The following RBMS3 variants were observed in gnomAD, a reference collection of about 807,000 sequenced individuals.
RBMS3 encodes the protein RNA binding motif single stranded interacting protein 3, also known as RNA-binding motif, single-stranded-interacting protein 3.
A neutral mutation model predicts 66.8 loss-of-function variants in RBMS3; 27 were observed. The observed-to-expected ratio is 0.40, with a 90% confidence interval of 0.30 to 0.56. The LOEUF is 0.56. RBMS3 is among the 20% of genes least tolerant of loss of function. The pLI is 0.40. For missense variants in RBMS3, 513 were observed against 549.5 expected, an observed-to-expected ratio of 0.93 and a Z score of 0.66; for synonymous variants, 188 against 183.0, an observed-to-expected ratio of 1.03 and a Z score of -0.22.
At chr3:29,413,373 C>CATAT (rs1339585647) in intron 1 of RBMS3, among the ~76,000 whole-genome samples, 1 of 42,176 alleles carries the variant, frequency 2.4e-5, no homozygotes, top group Non-Finnish European at 5.1e-5. Flanking sequence ...CCATCTCATT[C>CATAT]ATACATACAT....
intron 4 of RBMS3, among the ~76,000 whole-genome samples, chr3:29,693,533 G>A (rs75520444): frequency 0.021 from 3,165 of 152,224 alleles, 113 homozygotes; most frequent in African/African-American, 0.07. Context: ...TATTGACTAT[G>A]ATCTTGGGTA....
At chr3:29,422,652 G>A (rs889530571) in intron 1 of RBMS3, among the ~76,000 whole-genome samples, 1 of 151,982 alleles carries the variant, frequency 6.6e-6, no homozygotes, top group Non-Finnish European at 1.5e-5. Flanking sequence ...ATTTTATCAT[G>A]AGGTATTTTT....
intron 3 of RBMS3, among the ~76,000 whole-genome samples, chr3:29,545,888 CTT>C (rs1317509777): frequency 8.5e-5 from 13 of 152,076 alleles, no homozygotes; most frequent in Non-Finnish European, 1.5e-5. Context: ...CATCTCTAGT[CTT>C]TTGATTTTAA....
chr3:29,909,032 A>C (rs2060453356), intron 10 of RBMS3, among the ~76,000 whole-genome samples: 1 of 152,140 alleles, frequency 6.6e-6, no homozygotes, highest in Non-Finnish European at 1.5e-5. Context: ...AAAAAAGAGA[A>C]CATTTTAAGT....
chr3:29,492,414 T>C (rs1273896353), intron 3 of RBMS3, among the ~76,000 whole-genome samples: 1 of 152,132 alleles, frequency 6.6e-6, no homozygotes, highest in African/African-American at 2.4e-5. Flanking sequence ...TATGAGGTCA[T>C]GGAAAGGTTC....
At chr3:29,751,899 G>A (rs528968643) in intron 5 of RBMS3, among the ~76,000 whole-genome samples, 3 of 152,304 alleles carry the variant, frequency 2.0e-5, no homozygotes, top group African/African-American at 7.2e-5. Context: ...ACAGGCCCAT[G>A]GCAGCGCCTA....
chr3:29,356,458 G>A (rs1340309562), intron 1 of RBMS3, among the ~76,000 whole-genome samples: 3 of 152,106 alleles, frequency 2.0e-5, no homozygotes, highest in African/African-American at 7.2e-5. Context: ...ATAAATAGTA[G>A]TATCTTTTAT....
chr3:29,736,172 A>G (rs1351774434), intron 4 of RBMS3, among the ~76,000 whole-genome samples: 1 of 152,230 alleles, frequency 6.6e-6, no homozygotes, highest in Non-Finnish European at 1.5e-5. Flanking sequence ...TTCAACCAAT[A>G]TATTCAAGAC....
At chr3:29,329,426 G>A (rs2035523144) in intron 1 of RBMS3, among the ~76,000 whole-genome samples, 1 of 152,026 alleles carries the variant, frequency 6.6e-6, no homozygotes, top group Non-Finnish European at 1.5e-5. Context: ...TCACAGGAGA[G>A]TCTATAGTTA....
intron 7 of RBMS3, among the ~76,000 whole-genome samples, chr3:29,869,637 A>G (rs2059442875): frequency 6.6e-6 from 1 of 152,148 alleles, no homozygotes; most frequent in Non-Finnish European, 1.5e-5. Context: ...CAGTTTATGG[A>G]TCCAGTGCCA....
chr3:29,444,878 T>C lies in RBMS3; in HGVS notation c.248+9963T>C, dbSNP rs77550967. Among the ~76,000 whole-genome samples the C allele has an allele frequency of 2.4e-3, 352 of 144,688 alleles. 1 individual carries two copies. The highest frequency in any genetic ancestry group is 8.4e-3 in the African/African-American group (333 of 39,812). 94.9% of individuals were successfully genotyped at this position (144,688 alleles called of 152,430 possible). A position where few individuals can be genotyped will look rare whatever the true frequency, so the allele number is the denominator to read the frequency against. ...TCCCTTGATCTTCTGGTTTCCTCTATCATCTCCATCTATCTCTGTCTCTGT... is the reference window on the plus strand; with the variant it reads ...TCCCTTGATCTTCTGGTTTCCTCTACCATCTCCATCTATCTCTGTCTCTGT... On this transcript the variant is annotated intron_variant, in intron 2 of 14. Coordinates refer to ENST00000383767, the MANE Select transcript of RBMS3 (RefSeq NM_001003793.3).
intron 1 of RBMS3, among the ~76,000 whole-genome samples, chr3:29,361,252 A>G (rs2037565887): frequency 6.6e-6 from 1 of 151,980 alleles, no homozygotes; most frequent in Non-Finnish European, 1.5e-5. Flanking sequence ...GGTGGTGACA[A>G]AATCTCTCAG....
At chr3:29,368,693 G>A (rs2038035475) in intron 1 of RBMS3, among the ~76,000 whole-genome samples, 1 of 151,952 alleles carries the variant, frequency 6.6e-6, no homozygotes, top group South Asian at 2.1e-4. Flanking sequence ...AATATTTATA[G>A]AGAAAAAGGA....
At chr3:29,527,624 A>C (rs258948) in intron 3 of RBMS3, among the ~76,000 whole-genome samples, 56,798 of 152,086 alleles carry the variant, frequency 0.37, 11,020 homozygotes, top group Middle Eastern at 0.51. Context: ...ATATTTGGCA[A>C]AATGTCACTC....
At chr3:29,295,322 T>A (rs2033169747) in intron 1 of RBMS3, among the ~76,000 whole-genome samples, 1 of 141,672 alleles carries the variant, frequency 7.1e-6, no homozygotes, top group Non-Finnish European at 1.5e-5. Flanking sequence ...TATACATATA[T>A]ATATACACAC....
At chr3:29,518,737 G>T (rs902350823) in intron 3 of RBMS3, among the ~76,000 whole-genome samples, 1 of 152,092 alleles carries the variant, frequency 6.6e-6, no homozygotes, top group Non-Finnish European at 1.5e-5. Context: ...TGAAGGCAGA[G>T]GTCTACTTAT....
At chr3:29,704,169 C>T (rs2052764621) in intron 4 of RBMS3, among the ~76,000 whole-genome samples, 1 of 152,144 alleles carries the variant, frequency 6.6e-6, no homozygotes, top group Non-Finnish European at 1.5e-5. Context: ...AAATAAACTG[C>T]ACAATAAACG....
At chr3:29,954,560 T>A (rs954659872) in intron 12 of RBMS3, among the ~76,000 whole-genome samples, 4 of 152,018 alleles carry the variant, frequency 2.6e-5, no homozygotes, top group African/African-American at 7.2e-5. Flanking sequence ...TTTAATATTA[T>A]ACTAAGCTTA....
At chr3:29,396,384 A>G (rs994906350) in intron 1 of RBMS3, among the ~76,000 whole-genome samples, 1 of 152,210 alleles carries the variant, frequency 6.6e-6, no homozygotes, top group African/African-American at 2.4e-5. Flanking sequence ...CTGTAACTGG[A>G]TGCTGTATGG....
Sources: allele counts gnomAD v4.1 joint callset (sites outside exome capture counted in the v4.1 genomes callset), GRCh38; gene constraint gnomAD v4.1.1; transcripts MANE v1.5; gene names NCBI Gene and HGNC (gene_info 2026-07-23, HGNC 2026-07-21).